The following WDR33 variants were observed in gnomAD, a reference collection of about 807,000 sequenced individuals.
The protein encoded by WDR33 is WD repeat domain 33.
WDR33 carries 47 observed loss-of-function variants against 164.9 expected under a neutral mutation model. The ratio of observed to expected loss-of-function variants is 0.29; its 90% confidence interval spans 0.23 to 0.36. The LOEUF is 0.36. Ranked by LOEUF, WDR33 falls within the 10% of genes least tolerant of loss-of-function variation. WDR33 has a pLI of 1.00. For missense variants in WDR33, 1,137 were observed against 1,754.1 expected (o/e 0.65, Z 6.28); for synonymous variants, 505 against 589.0 (o/e 0.86, Z 2.06).
rs748116063 is a variant in WDR33 at position 127,719,579 on chromosome 2, G to C, written c.2446C>G (p.Pro816Ala). 22 of 1,613,962 alleles carry C rather than the reference G, an allele frequency of 1.4e-5. No individual in the cohort carries two copies. In the South Asian group the frequency reaches 2.4e-4, roughly 18 times the overall value. ...PPQEMRGPHP[P>A]GGLLGHGPQE... ...GGGCCGTGTCCCAGTAGTCCACCTG[G>C]AGGGTGAGGTCCTCTCATCTCTTGA... Residue 816 changes from proline (P) to alanine (A), a missense_variant, in exon 16 of 22, where the codon CCA (proline) becomes GCA (alanine). Physicochemically the swap from Pro to Ala is conservative, Grantham distance 27. This residue lies in a region of WDR33 where 867 missense variants were observed against 1,073.0 expected (regional missense o/e 0.81). Transcript: ENST00000322313. The surrounding 1 kb of genome is among the most constrained non-coding windows in gnomAD (Gnocchi z 6.5).
In WDR33 at chr2:127,706,636, TGACAATG is replaced by T; in HGVS notation, c.3782-91_3782-85del. 2 of 1,286,918 alleles carry T rather than the reference TGACAATG, an allele frequency of 1.6e-6. No homozygotes were observed. The highest frequency in any genetic ancestry group is 2.8e-5 in the South Asian group (2 of 71,102). The allele number at this position is 1,286,918 out of a possible 1,614,324, so 79.7% of individuals were successfully genotyped here. A position where few individuals can be genotyped will look rare whatever the true frequency, so the allele number is the denominator to read the frequency against. On this transcript the variant is annotated intron_variant, in intron 21 of 21. Coordinates refer to ENST00000322313, the MANE Select transcript of WDR33 (RefSeq NM_018383.5). This position sits in a 1 kb window ranked among gnomAD's most constrained non-coding sequence, Gnocchi z 5.1. ...TCCCAGTACAAACTTTACTCTCTGATGACAATGGACCAGTTCTGGTGGGTGCCAGGGA... is the reference window on the plus strand; with the variant it reads ...TCCCAGTACAAACTTTACTCTCTGATGACCAGTTCTGGTGGGTGCCAGGGA...
chr2:127,745,019 A>G (rs1205513804), intron 7 of WDR33, among the ~76,000 whole-genome samples: 1 of 152,132 alleles, frequency 6.6e-6, no homozygotes, highest in African/African-American at 2.4e-5. Flanking sequence ...AGATCCCCAT[A>G]TACATCAGTT....
At chr2:127,749,170 T>C (rs1687246514) in intron 7 of WDR33, among the ~76,000 whole-genome samples, 1 of 152,086 alleles carries the variant, frequency 6.6e-6, no homozygotes, top group African/African-American at 2.4e-5. Flanking sequence ...ATCTTGTATC[T>C]ATTAAAAATA....
At chr2:127,794,833 C>CAA (rs990234716) in intron 1 of WDR33, among the ~76,000 whole-genome samples, 2,804 of 79,154 alleles carry the variant, frequency 0.035, 144 homozygotes, top group African/African-American at 0.1. Flanking sequence ...GACTCCGTTT[C>CAA]AAAAAAAAAA....
At position 127,706,504 on chromosome 2, in the gene WDR33, G is replaced by C. The variant is rs1019585748; in HGVS notation, c.3830C>G (p.Ser1277Cys). 17 of 1,612,988 alleles carry C rather than the reference G, an allele frequency of 1.1e-5. No individual in the cohort carries two copies. The highest frequency in any genetic ancestry group is 4.0e-5 in the African/African-American group (3 of 74,864). The change falls in exon 22 of 22, where the codon TCC (serine) becomes TGC (cysteine). Residue 1277 changes from serine to cysteine, a missense_variant. Transcript: ENST00000322313. The surrounding 1 kb of genome is among the most constrained non-coding windows in gnomAD (Gnocchi z 5.1). ...PAQRVPKSGR[S>C]SSLDGEHHDG... ...GTGGTGCTCTCCGTCTAAGGAGCTG[G>C]AACGCCCAGATTTGGGCACTCTCTG...
intron 7 of WDR33, among the ~76,000 whole-genome samples, chr2:127,744,747 T>TC (rs140733351): frequency 0.021 from 3,242 of 152,192 alleles, 126 homozygotes; most frequent in African/African-American, 0.075. Flanking sequence ...ACCCTTACAT[T>TC]CCCCAGTACT....
At chr2:127,806,801 A>G (rs1314951473) in intron 1 of WDR33, among the ~76,000 whole-genome samples, 1 of 152,196 alleles carries the variant, frequency 6.6e-6, no homozygotes, top group Admixed American at 6.5e-5. Context: ...AAAATGTAGA[A>G]AAGCGTAGGA....
chr2:127,755,261 A>C (rs1270273571), intron 7 of WDR33, among the ~76,000 whole-genome samples: 1 of 152,218 alleles, frequency 6.6e-6, no homozygotes, highest in Non-Finnish European at 1.5e-5. Context: ...ATCAGCTATA[A>C]ATTACAAAGC....
At chr2:127,808,169 C>T (rs1027104040) in intron 1 of WDR33, among the ~76,000 whole-genome samples, 1 of 151,878 alleles carries the variant, frequency 6.6e-6, no homozygotes, top group Non-Finnish European at 1.5e-5. Context: ...CAATTAAATT[C>T]ATCACAGAAA....
intron 7 of WDR33, among the ~76,000 whole-genome samples, chr2:127,734,600 T>C (rs1243262173): frequency 6.6e-6 from 1 of 152,196 alleles, no homozygotes; most frequent in Non-Finnish European, 1.5e-5. Flanking sequence ...TAATTCAAAA[T>C]AAATGTGCAT....
intron 3 of WDR33, 51 bp downstream of exon 3, chr2:127,768,882 A>G: frequency 7.0e-7 from 1 of 1,424,768 alleles, no homozygotes; most frequent in Non-Finnish European, 9.8e-7. Flanking sequence ...AGGCTAAAAT[A>G]TTCAAGCAAG....
At chr2:127,762,071 G>A (rs767993682) in intron 7 of WDR33, among the ~76,000 whole-genome samples, 9 of 152,106 alleles carry the variant, frequency 5.9e-5, no homozygotes, top group Non-Finnish European at 1.0e-4. Context: ...CCAAGACAAC[G>A]ATCTCTGCTG....
At chr2:127,805,331 C>T (rs1573490948) in intron 1 of WDR33, among the ~76,000 whole-genome samples, 1 of 152,016 alleles carries the variant, frequency 6.6e-6, no homozygotes, top group East Asian at 1.9e-4. Context: ...ATCCATCTGC[C>T]TCAGCCTCTC....
intron 1 of WDR33, among the ~76,000 whole-genome samples, chr2:127,796,946 CA>C (rs1689062110): frequency 6.6e-6 from 1 of 152,024 alleles, no homozygotes. Context: ...TCATTAGCCC[CA>C]GATTCTGCAA....
rs1047228609 is a variant in WDR33 at position 127,719,162 on chromosome 2, G to A, written c.2760+103C>T. On this transcript the variant is annotated intron_variant, in intron 16 of 21. Transcript: ENST00000322313. This position sits in a 1 kb window ranked among gnomAD's most constrained non-coding sequence, Gnocchi z 6.5. ...TTAAGCTACTGTCACTACTTGATAA[G>A]TATTTATATCCAGCTGTGACCATTT... 2 of 1,279,332 alleles carry A rather than the reference G, an allele frequency of 1.6e-6. No individual in the cohort carries two copies. The highest frequency in any genetic ancestry group is 1.0e-6 in the Non-Finnish European group (1 of 1,000,454). The allele number at this position is 1,279,332 out of a possible 1,614,324, so 79.2% of individuals were successfully genotyped here.
rs1313832433 is a variant in WDR33 at position 127,770,691 on chromosome 2, CAAAATAAA to C, written c.204+79_204+86del. 109 of 767,726 alleles carry C rather than the reference CAAAATAAA, an allele frequency of 1.4e-4. No individual in the cohort carries two copies. The African/African-American group carries it at 2.3e-3, about 16-fold the overall frequency. The allele number at this position is 767,726 out of a possible 1,614,324, so 47.6% of individuals were successfully genotyped here. On this transcript the variant is annotated intron_variant, in intron 2 of 21. Transcript: ENST00000322313. This position sits in a 1 kb window ranked among gnomAD's most constrained non-coding sequence, Gnocchi z 4.9. ...GGGCAACAAGAAAGAAACTCCATCT[CAAAATAAA>C]TAAATAAATAAATAAATAAATAAAT...
In WDR33 at chr2:127,770,430, C is replaced by A. The variant is rs1052922059; in HGVS notation, c.204+348G>T. Among the ~76,000 whole-genome samples, 2 of 152,146 alleles carry A rather than the reference C, an allele frequency of 1.3e-5. No homozygotes were observed. Among genetic ancestry groups the A allele is most frequent in the Admixed American group, 1.3e-4 (2 of 15,252 alleles). ...CCAGGCCGGGCGCAGTGGCTCATGC[C>A]TGTAATCCCAGCACTTTGGGAGACT... On this transcript the variant is annotated intron_variant, in intron 2 of 21. Transcript: ENST00000322313. This position sits in a 1 kb window ranked among gnomAD's most constrained non-coding sequence, Gnocchi z 4.9.
At position 127,721,028 on chromosome 2, in the gene WDR33, T is replaced by C. The variant is rs1686424870; in HGVS notation, c.1672-675A>G. ...TAAACAGGTGAATTCAAATTAAAAC[T>C]ATGTTGGCTTTATCTTTTCTATTAA... On this transcript the variant is annotated intron_variant, in intron 15 of 21. Transcript: ENST00000322313. This position sits in a 1 kb window ranked among gnomAD's most constrained non-coding sequence, Gnocchi z 4.9. Among the ~76,000 whole-genome samples, 1 of 152,222 alleles carries C rather than the reference T, an allele frequency of 6.6e-6. No individual in the cohort carries two copies. Among genetic ancestry groups the C allele is most frequent in the African/African-American group, 2.4e-5 (1 of 41,448 alleles).
At chr2:127,793,200 G>A (rs1002669153) in intron 1 of WDR33, among the ~76,000 whole-genome samples, 1 of 152,240 alleles carries the variant, frequency 6.6e-6, no homozygotes, top group South Asian at 2.1e-4. Context: ...GGAGGCCGAG[G>A]CAGGTGGATC....
Sources: allele counts gnomAD v4.1 joint callset (sites outside exome capture counted in the v4.1 genomes callset), GRCh38; gene constraint gnomAD v4.1.1; regional missense constraint gnomAD v4.1.1; non-coding constraint Gnocchi (gnomAD v3.1); transcripts MANE v1.5; gene names NCBI Gene and HGNC (gene_info 2026-07-23, HGNC 2026-07-21).